The following CEP350 variants were observed in gnomAD, a reference collection of about 807,000 sequenced individuals.
CEP350 encodes the protein centrosome-associated protein 350.
A neutral mutation model predicts 331.8 loss-of-function variants in CEP350; 126 were observed. The observed-to-expected ratio is 0.38, with a 90% CI of 0.33 to 0.44. The LOEUF (loss-of-function observed/expected upper bound fraction) is 0.44. CEP350 is among the 20% of genes least tolerant of loss of function. The pLI, the probability that CEP350 is intolerant of heterozygous loss-of-function variation, is 1.00. For missense variants in CEP350, 3,406 were observed against 3,634.6 expected (o/e 0.94, Z 1.62); for synonymous variants, 1,200 against 1,259.5 (o/e 0.95, Z 1.00).
chr1:180,054,628 T>C (rs903052546), intron 25 of CEP350, 126 bp downstream of exon 25: 15 of 679,542 alleles, frequency 2.2e-5, no homozygotes, highest in Admixed American at 9.4e-5. Flanking sequence ...ACTTCCACTG[T>C]TTATGTTCAT....
intron 14 of CEP350, among the ~76,000 whole-genome samples, chr1:180,029,878 T>C (rs765354869): frequency 3.9e-5 from 6 of 152,190 alleles, no homozygotes; most frequent in Non-Finnish European, 8.8e-5. Flanking sequence ...TCTCTATGAA[T>C]TTGCCTATTC....
At chr1:179,956,891 AAATATT>A (rs1650207874) in intron 1 of CEP350, among the ~76,000 whole-genome samples, 2 of 152,256 alleles carry the variant, frequency 1.3e-5, no homozygotes, top group East Asian at 1.9e-4. Flanking sequence ...ATTTTAAACT[AAATATT>A]AATATAGGTG....
intron 19 of CEP350, among the ~76,000 whole-genome samples, chr1:180,042,165 CACAT>C (rs1410059702): frequency 6.6e-6 from 1 of 151,520 alleles, no homozygotes; most frequent in Non-Finnish European, 1.5e-5. Context: ...CACACACACA[CACAT>C]CTCCCTATAA....
At chr1:179,999,762 C>T (rs1458772536) in intron 6 of CEP350, among the ~76,000 whole-genome samples, 1 of 151,996 alleles carries the variant, frequency 6.6e-6, no homozygotes, top group Non-Finnish European at 1.5e-5. Context: ...TATTGTGTGT[C>T]TGTGTATTTA....
At chr1:180,110,437 G>A (rs1039437576) in intron 37 of CEP350, among the ~76,000 whole-genome samples, 18 of 152,292 alleles carry the variant, frequency 1.2e-4, no homozygotes, top group Admixed American at 5.2e-4. Flanking sequence ...GGTAAACACC[G>A]ATACTCTCCT....
chr1:179,956,870 G>A (rs1650206955), intron 1 of CEP350, among the ~76,000 whole-genome samples: 1 of 152,058 alleles, frequency 6.6e-6, no homozygotes, highest in Non-Finnish European at 1.5e-5. Flanking sequence ...AGATAATGTG[G>A]AATTATTTTT....
intron 5 of CEP350, among the ~76,000 whole-genome samples, chr1:179,996,345 T>A (rs1458746150): frequency 6.6e-6 from 1 of 152,200 alleles, no homozygotes; most frequent in East Asian, 1.9e-4. Context: ...GCTTTAAAAT[T>A]GACAAGTAGA....
chr1:179,985,245 A>G (rs1254664099), intron 1 of CEP350, among the ~76,000 whole-genome samples: 2 of 152,316 alleles, frequency 1.3e-5, no homozygotes, highest in East Asian at 3.9e-4. Flanking sequence ...AAGTGGCACC[A>G]TACAGTATTT....
At chr1:179,974,982 C>T (rs1341474172) in intron 1 of CEP350, among the ~76,000 whole-genome samples, 1 of 151,510 alleles carries the variant, frequency 6.6e-6, no homozygotes, top group African/African-American at 2.4e-5. Context: ...CAGAGCAAGA[C>T]CGTGTCTCTA....
In CEP350 at chr1:180,103,751, A is replaced by G. The variant is rs1214632565; in HGVS notation, c.9189+4766A>G. Among the ~76,000 whole-genome samples the G allele has an allele frequency of 6.6e-5, 10 of 152,030 alleles. No homozygotes were observed. In the East Asian group the frequency reaches 1.2e-3, roughly 18 times the overall value. On this transcript the variant is annotated intron_variant, in intron 37 of 37. Coordinates refer to ENST00000367607, the MANE Select transcript of CEP350 (RefSeq NM_014810.5). ...CTTCTTCCAGCTTTCCCAATTCTCT[A>G]TGGAACTTCTTTAGACATCTTTGGC...
intron 28 of CEP350, among the ~76,000 whole-genome samples, chr1:180,077,803 G>A (rs1210306127): frequency 1.3e-5 from 2 of 151,296 alleles, no homozygotes; most frequent in Non-Finnish European, 2.9e-5. Context: ...AACCCAGCAA[G>A]GTTTCTTCAT....
rs899700035 is a variant in CEP350 at position 180,053,633 on chromosome 1, A to T, written c.4990-117A>T. On this transcript the variant is annotated intron_variant, in intron 23 of 37. Transcript: ENST00000367607. ...GCCTTTTTAAAGAATATACTCTTACATTGTTGGTGGCCTTGTTAAATACAT... is the reference window on the plus strand; with the variant it reads ...GCCTTTTTAAAGAATATACTCTTACTTTGTTGGTGGCCTTGTTAAATACAT... 5.4e-6 allele frequency: 3 copies of T among 557,674 alleles called. No individual in the cohort carries two copies. In the African/African-American group the frequency reaches 5.6e-5, roughly 10 times the overall value. 34.5% of individuals were successfully genotyped at this position (557,674 alleles called of 1,614,324 possible).
chr1:180,067,320 C>T (rs1658602222), intron 27 of CEP350, among the ~76,000 whole-genome samples: 4 of 152,110 alleles, frequency 2.6e-5, no homozygotes, highest in Non-Finnish European at 5.9e-5. Flanking sequence ...CTGTTTGAGG[C>T]AATGAAATTG....
chr1:180,079,750 C>G (rs779434025), intron 29 of CEP350, among the ~76,000 whole-genome samples: 2 of 152,080 alleles, frequency 1.3e-5, no homozygotes, highest in East Asian at 1.9e-4. Context: ...CAATTAGATT[C>G]TACCTAGCAT....
intron 7 of CEP350, among the ~76,000 whole-genome samples, chr1:180,003,808 T>C (rs138445357): frequency 6.6e-6 from 1 of 152,140 alleles, no homozygotes; most frequent in African/African-American, 2.4e-5. Context: ...TTGGGCAAGA[T>C]GCTGAGTGGG....
chr1:180,083,761 T>A (rs1262513773), intron 30 of CEP350, among the ~76,000 whole-genome samples: 1 of 152,162 alleles, frequency 6.6e-6, no homozygotes, highest in African/African-American at 2.4e-5. Flanking sequence ...TATTTATAAT[T>A]TCAAGTAGTA....
chr1:180,024,930 T>G (rs1235167059), intron 14 of CEP350, among the ~76,000 whole-genome samples: 1 of 148,786 alleles, frequency 6.7e-6, no homozygotes, highest in Non-Finnish European at 1.5e-5. Flanking sequence ...TTTATTTACT[T>G]TTTTTTTTTT....
At chr1:179,983,023 T>G (rs1205830415) in intron 1 of CEP350, among the ~76,000 whole-genome samples, 1 of 152,040 alleles carries the variant, frequency 6.6e-6, no homozygotes, top group Non-Finnish European at 1.5e-5. Flanking sequence ...TCTCTTGACC[T>G]CATGATCCAC....
At chr1:179,975,607 T>G (rs1651803497) in intron 1 of CEP350, among the ~76,000 whole-genome samples, 1 of 152,074 alleles carries the variant, frequency 6.6e-6, no homozygotes, top group South Asian at 2.1e-4. Context: ...ATAAATGATA[T>G]GATAACTAAG....
Sources: gnomAD v4.1 joint callset for allele counts (sites outside exome capture counted in the v4.1 genomes callset) on GRCh38, gnomAD v4.1.1 for gene constraint, MANE v1.5 for transcripts, NCBI Gene and HGNC (gene_info 2026-07-23, HGNC 2026-07-21) for gene names.